The following TENM3 variants were observed in gnomAD, a reference collection of about 807,000 sequenced individuals.
The protein encoded by TENM3 is teneurin-3.
In TENM3, 63 loss-of-function variants were observed where a neutral mutation model predicts 255.1. The observed-to-expected ratio is 0.25, with a 90% CI of 0.20 to 0.30. The LOEUF (loss-of-function observed/expected upper bound fraction) is 0.30. Among genes scored for constraint, TENM3 ranks in the 10% least tolerant of loss-of-function variants. The pLI is 1.00. For missense variants in TENM3, 2,929 were observed against 3,461.1 expected (o/e 0.85, Z 3.86); for synonymous variants, 1,306 against 1,322.3 (o/e 0.99, Z 0.27).
the TENM3 span, among the ~76,000 whole-genome samples, chr4:181,726,787 C>A: frequency 6.6e-6 from 1 of 152,182 alleles, no homozygotes; most frequent in African/African-American, 2.4e-5. Flanking sequence ...GATCACCCCC[C>A]ACTTCCAAAT....
At chr4:181,580,744 T>G in the TENM3 span, among the ~76,000 whole-genome samples, 2 of 152,132 alleles carry the variant, frequency 1.3e-5, no homozygotes, top group African/African-American at 2.4e-5. Flanking sequence ...CCATGGAGTA[T>G]CAGCATAAAT....
At chr4:182,537,988 C>T (rs940315000) in intron 3 of TENM3, among the ~76,000 whole-genome samples, 4 of 152,250 alleles carry the variant, frequency 2.6e-5, no homozygotes, top group African/African-American at 9.6e-5. Context: ...TAAGTGAGGG[C>T]TTTAAAGCAC....
chr4:181,559,915 T>C, the TENM3 span, among the ~76,000 whole-genome samples: 5 of 152,350 alleles, frequency 3.3e-5, no homozygotes, highest in African/African-American at 1.2e-4. Context: ...ATATGTGTAA[T>C]GTCCACTAAA....
chr4:182,228,380 G>GTATATATA (rs1756333070), intron 1 of TENM3, among the ~76,000 whole-genome samples: 1 of 94,018 alleles, frequency 1.1e-5, no homozygotes, highest in Non-Finnish European at 2.3e-5. Flanking sequence ...GTGTGTGTGT[G>GTATATATA]TGTGTGTGTG....
chr4:181,820,963 A>G, the TENM3 span, among the ~76,000 whole-genome samples: 157 of 152,330 alleles, frequency 1.0e-3, 1 homozygote, highest in African/African-American at 3.6e-3. Context: ...TTTAAAGAAA[A>G]GTGGAATATA....
At chr4:182,211,239 C>T (rs1166104845) in intron 1 of TENM3, among the ~76,000 whole-genome samples, 2 of 152,192 alleles carry the variant, frequency 1.3e-5, no homozygotes, top group Non-Finnish European at 2.9e-5. Context: ...GTGGCTCTTT[C>T]TTGTTCACGA....
intron 4 of TENM3, among the ~76,000 whole-genome samples, chr4:182,625,560 G>T (rs946152166): frequency 6.6e-6 from 1 of 152,128 alleles, no homozygotes; most frequent in Admixed American, 6.5e-5. Context: ...GTTGGGGACC[G>T]CTGCAGTAAA....
intron 3 of TENM3, among the ~76,000 whole-genome samples, chr4:182,437,938 C>T (rs144630505): frequency 7.9e-5 from 12 of 152,026 alleles, no homozygotes; most frequent in Non-Finnish European, 1.3e-4. Flanking sequence ...AGCAACAGAG[C>T]GAGATCCTGT....
At chr4:182,752,773 G>A (rs1309068137) in intron 20 of TENM3, among the ~76,000 whole-genome samples, 2 of 152,038 alleles carry the variant, frequency 1.3e-5, no homozygotes, top group African/African-American at 2.4e-5. Context: ...TTGTTAGAAG[G>A]ATATGGTTAC....
upstream of TENM3, among the ~76,000 whole-genome samples, chr4:182,239,427 T>G (rs1262869732): frequency 6.6e-6 from 1 of 152,178 alleles, no homozygotes; most frequent in African/African-American, 2.4e-5. Flanking sequence ...TTGCTTCTGC[T>G]CCTTTCATTG....
At chr4:181,717,606 C>T in the TENM3 span, among the ~76,000 whole-genome samples, 14 of 152,332 alleles carry the variant, frequency 9.2e-5, no homozygotes, top group South Asian at 2.7e-3. Context: ...ACAATAGTTT[C>T]TGTCAGCCTG....
the TENM3 span, among the ~76,000 whole-genome samples, chr4:181,704,261 C>T: frequency 6.6e-6 from 1 of 152,198 alleles, no homozygotes; most frequent in Non-Finnish European, 1.5e-5. Flanking sequence ...ACCTCCTCAG[C>T]TCCAGGGTCC....
chr4:182,777,855 T>TTA (rs112092768), intron 24 of TENM3, among the ~76,000 whole-genome samples: 1,749 of 144,834 alleles, frequency 0.012, 16 homozygotes, highest in African/African-American at 0.019. Flanking sequence ...ATATATGCTG[T>TTA]TATATATATA....
chr4:181,542,638 A>G, the TENM3 span, among the ~76,000 whole-genome samples: 3 of 152,116 alleles, frequency 2.0e-5, no homozygotes, highest in African/African-American at 7.2e-5. Context: ...ATGAAGGATA[A>G]CTTCTAGGTT....
chr4:182,579,476 T>C (rs1190241355), intron 3 of TENM3, among the ~76,000 whole-genome samples: 1 of 151,954 alleles, frequency 6.6e-6, no homozygotes, highest in Non-Finnish European at 1.5e-5. Flanking sequence ...AACTTTTGAG[T>C]AGAAAATGGG....
Position 182,254,333 on chromosome 4 carries a change from CT to C in TENM3, c.-76+10868del, listed in dbSNP as rs36054102. Among the ~76,000 whole-genome samples, 215 of 146,224 alleles carry C rather than the reference CT, an allele frequency of 1.5e-3. 1 individual carries two copies. Among genetic ancestry groups the C allele is most frequent in the South Asian group, 7.7e-3 (35 of 4,546 alleles). On this transcript the variant is annotated intron_variant, in intron 1 of 27. Coordinates refer to ENST00000511685, the MANE Select transcript of TENM3 (RefSeq NM_001080477.4). Reference sequence around the variant, plus strand: ...TTTTTTGAGGACTTTTTCTCTCTCTCTTTTTTTTTTTGTAGTTATTGAAGCT... The same window carrying C: ...TTTTTTGAGGACTTTTTCTCTCTCTCTTTTTTTTTTGTAGTTATTGAAGCT...
intron 13 of TENM3, among the ~76,000 whole-genome samples, chr4:182,727,689 G>A (rs1760329798): frequency 1.3e-5 from 2 of 151,894 alleles, no homozygotes; most frequent in Admixed American, 1.3e-4. Flanking sequence ...AATACTATAG[G>A]TCAATTTTTC....
the TENM3 span, among the ~76,000 whole-genome samples, chr4:181,657,130 A>G: frequency 0.99 from 150,729 of 152,346 alleles, 74,589 homozygotes; most frequent in East Asian, 1. Context: ...ATGTGGACAG[A>G]ATGAGAGCAG....
chr4:182,180,799 AT>A (rs576708333), intron 1 of TENM3, among the ~76,000 whole-genome samples: 1 of 151,334 alleles, frequency 6.6e-6, no homozygotes, highest in African/African-American at 2.4e-5. Context: ...GATAGTAGTC[AT>A]TTTTTTTCAG....
Sources: allele counts gnomAD v4.1 joint callset (sites outside exome capture counted in the v4.1 genomes callset), GRCh38; gene constraint gnomAD v4.1.1; transcripts MANE v1.5; gene names NCBI Gene and HGNC (gene_info 2026-07-23, HGNC 2026-07-21).